Variants in KIF27 observed in about 807,000 individuals in gnomAD.
KIF27 encodes the protein kinesin family member 27.
Under a neutral mutation model 141.8 loss-of-function variants are expected in KIF27, and 84 were observed. The observed-to-expected ratio is 0.59, with a 90% CI of 0.50 to 0.71. The LOEUF (loss-of-function observed/expected upper bound fraction) is 0.71, where lower values mean the gene tolerates loss of function less well. Ranked by LOEUF, KIF27 falls within the 30% of genes least tolerant of loss-of-function variation. The probability of loss-of-function intolerance (pLI) is 0.00; values close to 1 mark genes in which losing one functional copy is unlikely to be tolerated. For synonymous variants in KIF27, 471 were observed against 569.5 expected (o/e 0.83, Z 2.46); for missense variants, 1,306 against 1,628.4 (o/e 0.80, Z 3.41).
Position 83,903,072 on chromosome 9 carries a change from A to C in KIF27, c.1446T>G (p.Leu482=), listed in dbSNP as rs1453002792. Residue 482 remains leucine, a synonymous_variant, in exon 4 of 18, where the codon CTT becomes CTG. Transcript: ENST00000297814. ...HVTVLQLKRE[L]KKCQCVLAAD... Reference sequence around the variant, plus strand: ...GATGTCTAAGTACCTGGCATTTCTTAAGCTCTCTCTTCAGCTGGAGAACTG... The same window carrying C: ...GATGTCTAAGTACCTGGCATTTCTTCAGCTCTCTCTTCAGCTGGAGAACTG... 4 of 1,606,104 alleles carry C rather than the reference A, an allele frequency of 2.5e-6. No homozygotes were observed. The Admixed American group carries it at 6.7e-5, about 27-fold the overall frequency.
intron 15 of KIF27, 76 bp from the exon 16 acceptor site, chr9:83,850,373 T>C: frequency 1.1e-6 from 1 of 890,910 alleles, no homozygotes; most frequent in Non-Finnish European, 1.8e-6. Context: ...CTTAGGCTAC[T>C]TCAAGATGAA....
rs1316495276 is a variant in KIF27 at position 83,887,378 on chromosome 9, G to A, written c.2084-182C>T. On this transcript the variant is annotated intron_variant, in intron 8 of 17. Transcript: ENST00000297814. ...TGGGACTCTAGCATTCCAGCTTACA[G>A]TAAGAGTTTTTATTTTCTTACAAAT... Among the ~76,000 whole-genome samples, 5 of 152,202 alleles carry A rather than the reference G, an allele frequency of 3.3e-5. 1 individual carries two copies. The highest frequency in any genetic ancestry group is 4.1e-4 in the South Asian group (2 of 4,828).
Position 83,834,157 on chromosome 9 carries a change from AAAAG to A in KIF27, c.*2840_*2843del, listed in dbSNP as rs1313522646. On this transcript the variant is annotated 3_prime_UTR_variant, in exon 18 of 18. Transcript: ENST00000297814. ...GGAAAAAAGAACATAATGAACGAAA[AAAAG>A]AAAACCACAAACATTTTATATACAT... Among the ~76,000 whole-genome samples, 2 of 152,176 alleles carry A rather than the reference AAAAG, an allele frequency of 1.3e-5. No homozygotes were observed. Among genetic ancestry groups the A allele is most frequent in the African/African-American group, 4.8e-5 (2 of 41,444 alleles).
intron 15 of KIF27, among the ~76,000 whole-genome samples, chr9:83,851,370 A>C (rs1286925310): frequency 6.6e-6 from 1 of 152,012 alleles, no homozygotes; most frequent in Non-Finnish European, 1.5e-5. Context: ...GTTATTGTTA[A>C]GATGGAGTCT....
intron 16 of KIF27, among the ~76,000 whole-genome samples, chr9:83,844,922 C>T (rs999686934): frequency 2.0e-5 from 3 of 152,132 alleles, no homozygotes; most frequent in Non-Finnish European, 4.4e-5. Flanking sequence ...CAGCACATTC[C>T]TCATTTGGGT....
At chr9:83,850,698 G>C (rs1441669203) in intron 15 of KIF27, among the ~76,000 whole-genome samples, 1 of 151,360 alleles carries the variant, frequency 6.6e-6, no homozygotes, top group Non-Finnish European at 1.5e-5. Context: ...CAGGAGAATG[G>C]CTTGAACCTG....
chr9:83,903,231 G>C lies in KIF27; in HGVS notation c.1287C>G (p.Val429=). ...FTFLVDLKDT[V]RLNEKQQHKL... is the part of the protein sequence containing the mutation. Reference sequence around the variant, plus strand: ...TGTGTTGCTGCTTTTCGTTTAGTCTGACAGTATCTTTTAGGTCAACCAGGA... The same window carrying C: ...TGTGTTGCTGCTTTTCGTTTAGTCTCACAGTATCTTTTAGGTCAACCAGGA... Residue 429 remains valine, a synonymous_variant, in exon 4 of 18, where the codon GTC becomes GTG. Transcript: ENST00000297814. 1 of 1,614,102 alleles carries C rather than the reference G, an allele frequency of 6.2e-7. No homozygotes were observed. Among genetic ancestry groups the C allele is most frequent in the African/African-American group, 1.3e-5 (1 of 75,016 alleles).
At chr9:83,858,902 A>T in intron 14 of KIF27, 1 of 498,442 alleles carries the variant, frequency 2.0e-6, no homozygotes, top group Non-Finnish European at 3.6e-6. Context: ...ATACTCAAGG[A>T]AAGTAATAGT....
At chr9:83,848,192 A>ATATATCATATATC (rs1564285522) in intron 16 of KIF27, among the ~76,000 whole-genome samples, 2 of 31,164 alleles carry the variant, frequency 6.4e-5, no homozygotes, top group African/African-American at 5.2e-4. Context: ...TATGATATAT[A>ATATATCATATATC]TGATATATCA....
intron 13 of KIF27, among the ~76,000 whole-genome samples, chr9:83,861,898 G>A (rs1445533295): frequency 6.6e-6 from 1 of 151,364 alleles, no homozygotes; most frequent in African/African-American, 2.4e-5. Context: ...GTATCTCATT[G>A]TGGTTTTGAT....
At chr9:83,921,182 A>G (rs1372935332) in intron 1 of KIF27, among the ~76,000 whole-genome samples, 189 bp downstream of exon 1, 1 of 151,288 alleles carries the variant, frequency 6.6e-6, no homozygotes, top group Non-Finnish European at 1.5e-5. Context: ...CCATAGGCCT[A>G]GCTGGCGCCC....
intron 10 of KIF27, among the ~76,000 whole-genome samples, chr9:83,882,958 G>A (rs1951801092): frequency 6.6e-6 from 1 of 152,090 alleles, no homozygotes; most frequent in African/African-American, 2.4e-5. Context: ...AACCCCAGGA[G>A]GGACTTTTCA....
chr9:83,838,243 T>TG (rs1340545741), intron 17 of KIF27, among the ~76,000 whole-genome samples: 2 of 151,658 alleles, frequency 1.3e-5, no homozygotes, highest in African/African-American at 2.4e-5. Context: ...TTTTTGTTGT[T>TG]TTTTTTTTGA....
At position 83,841,895 on chromosome 9, in the gene KIF27, T is replaced by C. The variant is rs930536123; in HGVS notation, c.3721+342A>G. ...AACTTTTACTCTTACCTACCATACA[T>C]CTTTTTTTGTGATAATCAGAAGGCT... is the stretch of plus-strand genomic sequence containing the variant. On this transcript the variant is annotated intron_variant, in intron 17 of 17. Transcript: ENST00000297814. 1.6e-4 allele frequency among the ~76,000 whole-genome samples: 24 copies of C among 152,172 alleles called. 1 individual carries two copies. The highest frequency in any genetic ancestry group is 5.6e-4 in the African/African-American group (23 of 41,438).
intron 16 of KIF27, among the ~76,000 whole-genome samples, chr9:83,845,451 C>T (rs145758663): frequency 7.5e-4 from 114 of 152,288 alleles, no homozygotes; most frequent in African/African-American, 2.6e-3. Context: ...CACAAATGCC[C>T]ATGGTCTCCA....
At chr9:83,877,901 G>T (rs1174384661) in intron 11 of KIF27, among the ~76,000 whole-genome samples, 2 of 151,988 alleles carry the variant, frequency 1.3e-5, no homozygotes, top group Non-Finnish European at 2.9e-5. Context: ...CACATGAAAA[G>T]ATGCTCAACA....
chr9:83,892,861 T>C (rs537585784), intron 5 of KIF27, among the ~76,000 whole-genome samples: 2 of 152,330 alleles, frequency 1.3e-5, no homozygotes, highest in South Asian at 4.1e-4. Context: ...AATTCTACAT[T>C]TGTGTCCACT....
chr9:83,919,183 T>C (rs548737667), intron 1 of KIF27, among the ~76,000 whole-genome samples: 1 of 152,240 alleles, frequency 6.6e-6, no homozygotes, highest in African/African-American at 2.4e-5. Flanking sequence ...ATAAAGAAAT[T>C]AGAACCCTCA....
chr9:83,903,203 G>A lies in KIF27; in HGVS notation c.1315C>T (p.Leu439=), dbSNP rs1292126845. ...TGGATCATGTTAAACCACTCCTGCA[G>A]TTTGTGTTGCTGCTTTTCGTTTAGT... ...VRLNEKQQHK[L]QEWFNMIQEV... The change falls in exon 4 of 18, where the codon CTG becomes TTG. Residue 439 remains leucine, a synonymous_variant. Coordinates refer to ENST00000297814, the MANE Select transcript of KIF27 (RefSeq NM_017576.4). The A allele has an allele frequency of 5.0e-6, 8 of 1,614,042 alleles. No homozygotes were observed. The highest frequency in any genetic ancestry group is 3.3e-4 in the Middle Eastern group (2 of 6,082).
Sources: gnomAD v4.1 joint callset for allele counts (sites outside exome capture counted in the v4.1 genomes callset) on GRCh38, gnomAD v4.1.1 for gene constraint, MANE v1.5 for transcripts, NCBI Gene and HGNC (gene_info 2026-07-23, HGNC 2026-07-21) for gene names.